The following PTPRM variants were observed in gnomAD, a reference collection of about 807,000 sequenced individuals.
The protein encoded by PTPRM is receptor-type tyrosine-protein phosphatase mu.
Under a neutral mutation model 186.7 loss-of-function variants are expected in PTPRM, and 47 were observed. The ratio of observed to expected loss-of-function variants is 0.25; its 90% CI spans 0.20 to 0.32. PTPRM has a LOEUF of 0.32. PTPRM is among the 10% of genes least tolerant of loss of function. PTPRM has a pLI of 1.00. For synonymous variants in PTPRM, 668 were observed against 674.9 expected (o/e 0.99, Z 0.16); for missense variants, 1,494 against 1,865.0 (o/e 0.80, Z 3.66).
intron 23 of PTPRM, among the ~76,000 whole-genome samples, chr18:8,362,445 T>G (rs958819146): frequency 1.3e-5 from 2 of 152,176 alleles, no homozygotes; most frequent in African/African-American, 4.8e-5. Flanking sequence ...TATTTCAAAG[T>G]GTAGCATCAA....
intron 14 of PTPRM, among the ~76,000 whole-genome samples, chr18:8,160,971 T>G (rs2093219232): frequency 6.6e-6 from 1 of 152,216 alleles, no homozygotes; most frequent in South Asian, 2.1e-4. Flanking sequence ...TTTACCTGAT[T>G]TCTATAAAAG....
intron 2 of PTPRM, among the ~76,000 whole-genome samples, chr18:7,859,602 C>G (rs1202576798): frequency 6.6e-6 from 1 of 152,212 alleles, no homozygotes; most frequent in Non-Finnish European, 1.5e-5. Flanking sequence ...ATAACCCTGG[C>G]CTGCATAGCA....
intron 14 of PTPRM, among the ~76,000 whole-genome samples, chr18:8,189,835 T>G (rs1440988947): frequency 6.6e-6 from 1 of 152,248 alleles, no homozygotes; most frequent in East Asian, 1.9e-4. Flanking sequence ...CAGTTTATTT[T>G]ATTGACGTAT....
intron 19 of PTPRM, among the ~76,000 whole-genome samples, chr18:8,262,085 T>C (rs72913114): frequency 0.034 from 5,153 of 152,188 alleles, 84 homozygotes; most frequent in South Asian, 0.062. Flanking sequence ...ACTAGATATT[T>C]CACGGTTGCC....
At chr18:8,223,368 A>G (rs374659458) in intron 14 of PTPRM, among the ~76,000 whole-genome samples, 138 of 152,370 alleles carry the variant, frequency 9.1e-4, no homozygotes, top group African/African-American at 3.2e-3. Flanking sequence ...ACATCAAGTC[A>G]GTGGCCTAAA....
chr18:8,207,139 A>G (rs1483079035), intron 14 of PTPRM, among the ~76,000 whole-genome samples: 2 of 152,168 alleles, frequency 1.3e-5, no homozygotes, highest in African/African-American at 4.8e-5. Flanking sequence ...GCCCTAGGAA[A>G]TTAGCACAGA....
chr18:8,089,548 G>T (rs2090604385), intron 11 of PTPRM, among the ~76,000 whole-genome samples: 2 of 152,088 alleles, frequency 1.3e-5, no homozygotes, highest in South Asian at 4.1e-4. Context: ...ATCTACATAA[G>T]TGAAATTTCT....
intron 14 of PTPRM, among the ~76,000 whole-genome samples, chr18:8,182,589 C>G (rs984126376): frequency 1.3e-4 from 20 of 152,300 alleles, no homozygotes; most frequent in African/African-American, 4.6e-4. Context: ...CTAGCCCACA[C>G]TTTGAATTGC....
chr18:7,753,621 TCTCA>T, intron 1 of PTPRM, among the ~76,000 whole-genome samples: 1 of 152,288 alleles, frequency 6.6e-6, no homozygotes, highest in Admixed American at 6.5e-5. Context: ...CAAATTCCAT[TCTCA>T]CTCACTATAT....
At chr18:7,750,449 G>A (rs1318567426) in intron 1 of PTPRM, among the ~76,000 whole-genome samples, 3 of 152,164 alleles carry the variant, frequency 2.0e-5, no homozygotes, top group Admixed American at 6.5e-5. Context: ...TTTTCTTTTT[G>A]TTCTGGTGAA....
chr18:8,304,093 G>C (rs1243387378), intron 20 of PTPRM, among the ~76,000 whole-genome samples: 1 of 152,206 alleles, frequency 6.6e-6, no homozygotes, highest in African/African-American at 2.4e-5. Context: ...CAGAGAGAAA[G>C]AATTGGTTAG....
chr18:7,619,222 G>A (rs561569127), intron 1 of PTPRM, among the ~76,000 whole-genome samples: 1 of 152,294 alleles, frequency 6.6e-6, no homozygotes, highest in Non-Finnish European at 1.5e-5. Context: ...ATGTCTGGAT[G>A]CCAGGAATGT....
intron 1 of PTPRM, among the ~76,000 whole-genome samples, chr18:7,634,274 C>T (rs985351012): frequency 1.3e-5 from 2 of 152,026 alleles, no homozygotes; most frequent in African/African-American, 4.8e-5. Context: ...TCCAGCCTCT[C>T]GATTCCCATT....
intron 5 of PTPRM, among the ~76,000 whole-genome samples, chr18:7,946,014 T>G (rs1048090941): frequency 7.2e-5 from 11 of 152,220 alleles, no homozygotes; most frequent in African/African-American, 2.7e-4. Context: ...AGTTAAAAAT[T>G]TATTAAAGGC....
intron 32 of PTPRM, chr18:8,405,189 G>A (rs1023179605): frequency 6.6e-6 from 1 of 151,858 alleles, no homozygotes; most frequent in African/African-American, 2.4e-5. Context: ...AAAAAGAAAG[G>A]AGGGAGAAAT....
chr18:8,209,987 A>AT (rs2093980571), intron 14 of PTPRM, among the ~76,000 whole-genome samples: 1 of 123,928 alleles, frequency 8.1e-6, no homozygotes, highest in Non-Finnish European at 1.7e-5. Context: ...TTGAAGTAAA[A>AT]TTAAAAAAAA....
intron 21 of PTPRM, among the ~76,000 whole-genome samples, chr18:8,315,497 C>T (rs1302329955): frequency 6.6e-6 from 1 of 152,134 alleles, no homozygotes; most frequent in Non-Finnish European, 1.5e-5. Context: ...TAGGAGACAG[C>T]ATGTTTTCAG....
intron 14 of PTPRM, among the ~76,000 whole-genome samples, chr18:8,150,220 A>G (rs1430715498): frequency 6.6e-6 from 1 of 152,140 alleles, no homozygotes; most frequent in African/African-American, 2.4e-5. Context: ...GTTCTCCTGG[A>G]TAATATCCTC....
At chr18:8,080,683 G>C (rs2090079984) in intron 9 of PTPRM, among the ~76,000 whole-genome samples, 1 of 152,156 alleles carries the variant, frequency 6.6e-6, no homozygotes, top group Non-Finnish European at 1.5e-5. Context: ...TGGTTATGTA[G>C]AGGGAATGAG....
Sources: allele counts gnomAD v4.1 joint callset (sites outside exome capture counted in the v4.1 genomes callset), GRCh38; gene constraint gnomAD v4.1.1; transcripts MANE v1.5; gene names NCBI Gene and HGNC (gene_info 2026-07-23, HGNC 2026-07-21).